FGD5: variants seen among roughly 807,000 people sequenced by gnomAD.
FGD5 encodes FYVE, RhoGEF and PH domain containing 5, also known as FYVE, RhoGEF and PH domain-containing protein 5.
FGD5 carries 28 observed loss-of-function variants against 133.4 expected under a neutral mutation model. The observed-to-expected ratio is 0.21, with a 90% confidence interval of 0.16 to 0.29. The LOEUF is 0.29. Ranked by LOEUF, FGD5 falls within the 10% of genes least tolerant of loss-of-function variation. FGD5 has a pLI of 1.00. For missense variants in FGD5, 1,858 were observed against 1,895.2 expected, an observed-to-expected ratio of 0.98 and a Z score of 0.36; for synonymous variants, 810 against 776.5, an observed-to-expected ratio of 1.04 and a Z score of -0.72.
intron 9 of FGD5, among the ~76,000 whole-genome samples, chr3:14,904,015 A>G (rs1053761767): frequency 7.2e-5 from 11 of 152,342 alleles, no homozygotes; most frequent in African/African-American, 2.6e-4. Context: ...TAGACTGGGT[A>G]TATGGCTATT....
intron 9 of FGD5, among the ~76,000 whole-genome samples, chr3:14,904,461 G>C (rs1432169666): frequency 6.6e-6 from 1 of 151,916 alleles, no homozygotes; most frequent in Non-Finnish European, 1.5e-5. Context: ...TTTTCAGTTG[G>C]TTTCTGTGCC....
intron 1 of FGD5, among the ~76,000 whole-genome samples, chr3:14,858,363 A>ATGGG (rs1443390168): frequency 1.3e-5 from 2 of 148,864 alleles, no homozygotes; most frequent in Non-Finnish European, 3.0e-5. Flanking sequence ...GGGTGGATGG[A>ATGGG]TGGATGGATG....
At chr3:14,931,118 C>T (rs528635285) in intron 18 of FGD5, 134 of 152,156 alleles carry the variant, frequency 8.8e-4, no homozygotes, top group African/African-American at 3.1e-3. Context: ...GCCTTGTTTC[C>T]AATTTTAAGG....
At chr3:14,899,720 A>C (rs2038201065) in intron 7 of FGD5, among the ~76,000 whole-genome samples, 1 of 152,344 alleles carries the variant, frequency 6.6e-6, no homozygotes, top group Admixed American at 6.5e-5. Flanking sequence ...ACAAGCAAAT[A>C]AGAAAGCCAA....
In FGD5 at chr3:14,819,684, G is replaced by C; in HGVS notation, c.613G>C (p.Glu205Gln). The C allele has an allele frequency of 1.3e-6, 2 of 1,542,004 alleles. No homozygotes were observed. Among genetic ancestry groups the C allele is most frequent in the African/African-American group, 1.4e-5 (1 of 72,970 alleles). The change falls in exon 1 of 20, where the codon GAG becomes CAG. Residue 205 changes from glutamate to glutamine, a missense_variant. Glu to Gln is a conservative substitution (Grantham distance 29). Around this residue, in one of 3 missense-constraint regions of FGD5, gnomAD observed 1,824 missense variants for 1,848.9 expected, o/e 0.99. Coordinates refer to ENST00000285046, the MANE Select transcript of FGD5 (RefSeq NM_152536.4). This position sits in a 1 kb window ranked among gnomAD's most constrained non-coding sequence, Gnocchi z 4.1. ...GCCTCACATCCATGGAGAGGACCAG[G>C]AGCCCCCCGACACCCCCGGGGAGGC... ...LLPHIHGEDQ[E>Q]PPDTPGEAEE... is the part of the protein sequence containing the mutation.
Position 14,924,218 on chromosome 3 carries a change from C to G in FGD5, c.4068+80C>G, listed in dbSNP as rs978178976. ...TCATCCTGGGTAGACGGAGTCAGAC[C>G]CTGCCCTGTCCCAGCCTGACCAGTC... On this transcript the variant is annotated intron_variant, in intron 17 of 19. Transcript: ENST00000285046. 1.9e-6 allele frequency: 3 copies of G among 1,599,394 alleles called. No homozygotes were observed. In the African/African-American group the frequency reaches 4.0e-5, roughly 21 times the overall value.
At chr3:14,855,144 T>G (rs2037254057) in intron 1 of FGD5, among the ~76,000 whole-genome samples, 1 of 152,240 alleles carries the variant, frequency 6.6e-6, no homozygotes, top group South Asian at 2.1e-4. Context: ...CTTATTTCAC[T>G]TAACATAATG....
At chr3:14,833,321 A>G (rs1346287087) in intron 1 of FGD5, among the ~76,000 whole-genome samples, 2 of 152,218 alleles carry the variant, frequency 1.3e-5, no homozygotes, top group African/African-American at 4.8e-5. Context: ...AGCCCTGGAT[A>G]GGGCCCAAAA....
chr3:14,885,776 C>T (rs755831351), intron 4 of FGD5, among the ~76,000 whole-genome samples: 4 of 152,140 alleles, frequency 2.6e-5, no homozygotes, highest in Non-Finnish European at 5.9e-5. Flanking sequence ...TTCCACCATA[C>T]CCTATGAGTT....
At chr3:14,826,795 G>C (rs2036609265) in intron 1 of FGD5, among the ~76,000 whole-genome samples, 1 of 152,114 alleles carries the variant, frequency 6.6e-6, no homozygotes, top group South Asian at 2.1e-4. Flanking sequence ...CACAACGACT[G>C]TTCTGCATGG....
At chr3:14,879,431 T>C (rs1256275413) in intron 2 of FGD5, among the ~76,000 whole-genome samples, 1 of 152,230 alleles carries the variant, frequency 6.6e-6, no homozygotes, top group African/African-American at 2.4e-5. Flanking sequence ...CAGGCATCTG[T>C]CTCAGCCCAG....
In FGD5 at chr3:14,820,053, G is replaced by A. The variant is rs1489588538; in HGVS notation, c.982G>A (p.Val328Ile). The change falls in exon 1 of 20, where the codon GTC becomes ATC. Residue 328 changes from valine (V) to isoleucine (I), a missense_variant. Around this residue, in one of 3 missense-constraint regions of FGD5, gnomAD observed 1,824 missense variants for 1,848.9 expected, o/e 0.99. Coordinates refer to ENST00000285046, the MANE Select transcript of FGD5 (RefSeq NM_152536.4). The stretch of plus-strand genomic sequence containing the variant: ...GTCCGCCGAGGAGAGCTGCCAGATT[G>A]TCCCTTTTGAGAATGACTGCATGGA... ...DESAEESCQI[V>I]PFENDCMEDF... is the part of the protein sequence containing the mutation. The A allele has an allele frequency of 6.2e-7, 1 of 1,613,932 alleles. No homozygotes were observed. The highest frequency in any genetic ancestry group is 1.3e-5 in the African/African-American group (1 of 74,936).
Position 14,933,287 on chromosome 3 carries a change from CT to C in FGD5, c.*126del. On this transcript the variant is annotated 3_prime_UTR_variant, in exon 20 of 20. Coordinates refer to ENST00000285046, the MANE Select transcript of FGD5 (RefSeq NM_152536.4). Reference sequence around the variant, plus strand: ...CCTGGATTCAGCAATGAGGCCTGACCTTTTTTGCTATAACCGCCCCACCACT... The same window carrying C: ...CCTGGATTCAGCAATGAGGCCTGACCTTTTTGCTATAACCGCCCCACCACT... 1 of 1,168,072 alleles carries C rather than the reference CT, an allele frequency of 8.6e-7. No individual in the cohort carries two copies. Among genetic ancestry groups the C allele is most frequent in the Non-Finnish European group, 1.3e-6 (1 of 799,622 alleles). 72.4% of individuals were successfully genotyped at this position (1,168,072 alleles called of 1,614,324 possible). A position where few individuals can be genotyped will look rare whatever the true frequency, so the allele number is the denominator to read the frequency against.
chr3:14,899,776 A>C (rs1028623099), intron 7 of FGD5, among the ~76,000 whole-genome samples: 1 of 152,246 alleles, frequency 6.6e-6, no homozygotes, highest in Non-Finnish European at 1.5e-5. Flanking sequence ...AAGCAAGTTA[A>C]GGAGACAGAG....
intron 4 of FGD5, among the ~76,000 whole-genome samples, chr3:14,886,325 G>C (rs942769471): frequency 1.3e-5 from 2 of 152,208 alleles, no homozygotes; most frequent in Admixed American, 1.3e-4. Flanking sequence ...CTGAGTGAAA[G>C]CTGGGTTCAT....
intron 1 of FGD5, among the ~76,000 whole-genome samples, chr3:14,831,647 C>T (rs1220852144): frequency 6.6e-6 from 1 of 152,142 alleles, no homozygotes; most frequent in Non-Finnish European, 1.5e-5. Flanking sequence ...GTTGGGAAGG[C>T]TCTTGAAAAG....
At chr3:14,864,852 T>G (rs1009993537) in intron 2 of FGD5, among the ~76,000 whole-genome samples, 1 of 152,112 alleles carries the variant, frequency 6.6e-6, no homozygotes, top group African/African-American at 2.4e-5. Context: ...ATATACACTC[T>G]CTATTGGACA....
At chr3:14,841,987 G>T (rs973278256) in intron 1 of FGD5, among the ~76,000 whole-genome samples, 1 of 152,258 alleles carries the variant, frequency 6.6e-6, no homozygotes, top group African/African-American at 2.4e-5. Context: ...GTGCCTGAGA[G>T]TAAAGTCTGG....
At chr3:14,857,651 C>T (rs1222048972) in intron 1 of FGD5, among the ~76,000 whole-genome samples, 1 of 152,114 alleles carries the variant, frequency 6.6e-6, no homozygotes. Flanking sequence ...GAGATGGGGG[C>T]CTTTCTACTG....
Sources: gnomAD v4.1 joint callset for allele counts (sites outside exome capture counted in the v4.1 genomes callset) on GRCh38, gnomAD v4.1.1 for gene constraint, gnomAD v4.1.1 regional missense constraint, Gnocchi (gnomAD v3.1) non-coding constraint, MANE v1.5 for transcripts, NCBI Gene and HGNC (gene_info 2026-07-23, HGNC 2026-07-21) for gene names.